Variants in PRKAR2B observed in about 807,000 individuals in gnomAD.
PRKAR2B encodes cAMP-dependent protein kinase type II-beta regulatory subunit.
A neutral mutation model predicts 49.9 loss-of-function variants in PRKAR2B; 14 were observed. The ratio of observed to expected loss-of-function variants is 0.28; its 90% confidence interval spans 0.19 to 0.44. The LOEUF (loss-of-function observed/expected upper bound fraction) is 0.44, where lower values mean the gene tolerates loss of function less well. PRKAR2B is among the 20% of genes least tolerant of loss of function. PRKAR2B has a pLI of 1.00. For synonymous variants in PRKAR2B, 196 were observed against 197.7 expected (o/e 0.99, Z 0.07); for missense variants, 393 against 537.9 (o/e 0.73, Z 2.67).
At chr7:107,125,503 G>C (rs144696414) in intron 3 of PRKAR2B, among the ~76,000 whole-genome samples, 1,792 of 152,324 alleles carry the variant, frequency 0.012, 17 homozygotes, top group Non-Finnish European at 0.017. Flanking sequence ...AGGCCTCAGT[G>C]ATCCAGAGAG....
intron 1 of PRKAR2B, among the ~76,000 whole-genome samples, chr7:107,064,497 AG>A (rs964169930): frequency 6.6e-6 from 1 of 152,186 alleles, no homozygotes; most frequent in Non-Finnish European, 1.5e-5. Flanking sequence ...ATAATCAAAA[AG>A]GAAGAAGAAA....
chr7:107,076,323 A>G (rs1794395588), intron 2 of PRKAR2B, among the ~76,000 whole-genome samples: 1 of 152,102 alleles, frequency 6.6e-6, no homozygotes. Flanking sequence ...CTGTCCTATC[A>G]TGTTTTTTTC....
intron 1 of PRKAR2B, among the ~76,000 whole-genome samples, chr7:107,060,739 C>T (rs1403591184): frequency 1.3e-5 from 2 of 151,156 alleles, no homozygotes; most frequent in East Asian, 3.9e-4. Flanking sequence ...ATTTTGTTTA[C>T]AATAACTTTG....
chr7:107,161,809 T>G lies in PRKAR2B; in HGVS notation c.*2227T>G, dbSNP rs1796203341. On this transcript the variant is annotated 3_prime_UTR_variant, in exon 11 of 11. Transcript: ENST00000265717. ...TTATCTGATTAAAACAGCTCAAGTT[T>G]GACTTGTGGATGTCATTATTTAATT... 6.6e-6 allele frequency: 1 copy of G among 152,232 alleles called. No homozygotes were observed. Among genetic ancestry groups the G allele is most frequent in the African/African-American group, 2.4e-5 (1 of 41,466 alleles). The allele number at this position is 152,232 out of a possible 1,614,324, so 9.4% of individuals were successfully genotyped here.
intron 1 of PRKAR2B, among the ~76,000 whole-genome samples, chr7:107,061,714 G>A (rs559431724): frequency 6.6e-6 from 1 of 152,248 alleles, no homozygotes; most frequent in Non-Finnish European, 1.5e-5. Flanking sequence ...GACCAGCCTG[G>A]CCAACATGAT....
intron 2 of PRKAR2B, among the ~76,000 whole-genome samples, chr7:107,085,100 C>T (rs929816183): frequency 6.6e-6 from 1 of 151,998 alleles, no homozygotes; most frequent in South Asian, 2.1e-4. Context: ...ATCTACTTGT[C>T]TCTGTTTGTA....
chr7:107,135,930 A>G (rs1037688563), intron 4 of PRKAR2B, among the ~76,000 whole-genome samples: 2 of 152,202 alleles, frequency 1.3e-5, no homozygotes, highest in African/African-American at 4.8e-5. Context: ...TGACTTCAAG[A>G]CTTAGTATAA....
intron 2 of PRKAR2B, among the ~76,000 whole-genome samples, chr7:107,114,653 A>C (rs1365512433): frequency 6.6e-6 from 1 of 151,308 alleles, no homozygotes; most frequent in African/African-American, 2.4e-5. Flanking sequence ...TACTGACGTG[A>C]GCCACCATGC....
chr7:107,150,452 A>T (rs1217551291), intron 6 of PRKAR2B, among the ~76,000 whole-genome samples: 1 of 152,184 alleles, frequency 6.6e-6, no homozygotes, highest in Non-Finnish European at 1.5e-5. Flanking sequence ...TAATGATCAC[A>T]TCAGGGTAAA....
intron 2 of PRKAR2B, among the ~76,000 whole-genome samples, chr7:107,102,278 G>T (rs1794986468): frequency 6.6e-6 from 1 of 152,190 alleles, no homozygotes; most frequent in Non-Finnish European, 1.5e-5. Context: ...CCAGCACCAA[G>T]ACAGTTTACA....
At chr7:107,096,648 A>C (rs1794843837) in intron 2 of PRKAR2B, among the ~76,000 whole-genome samples, 1 of 152,122 alleles carries the variant, frequency 6.6e-6, no homozygotes, top group Non-Finnish European at 1.5e-5. Flanking sequence ...GTGGGCATGT[A>C]GTGCTATAAA....
At chr7:107,069,368 GTCTTC>G (rs1322056030) in intron 1 of PRKAR2B, among the ~76,000 whole-genome samples, 1 of 152,096 alleles carries the variant, frequency 6.6e-6, no homozygotes, top group African/African-American at 2.4e-5. Flanking sequence ...TAAAAATTTT[GTCTTC>G]TCTTTTTACT....
chr7:107,065,884 G>A, intron 1 of PRKAR2B, among the ~76,000 whole-genome samples: 1 of 152,210 alleles, frequency 6.6e-6, no homozygotes. Flanking sequence ...TCACTGCTGA[G>A]ATAGAGACTT....
intron 4 of PRKAR2B, 22 bp downstream of exon 4, chr7:107,128,317 G>T (rs1368927218): frequency 6.4e-7 from 1 of 1,562,636 alleles, no homozygotes; most frequent in African/African-American, 1.4e-5. Context: ...CTTAATAATA[G>T]AAATGGCTTT....
At chr7:107,057,565 A>G (rs1793940114) in intron 1 of PRKAR2B, among the ~76,000 whole-genome samples, 1 of 152,148 alleles carries the variant, frequency 6.6e-6, no homozygotes, top group African/African-American at 2.4e-5. Context: ...GTGTGATTTC[A>G]TTTTGGTATA....
intron 2 of PRKAR2B, among the ~76,000 whole-genome samples, chr7:107,115,672 G>T (rs909766111): frequency 8.5e-5 from 13 of 152,278 alleles, no homozygotes; most frequent in African/African-American, 3.1e-4. Flanking sequence ...GAGAGGGAGA[G>T]AGAGAATAAG....
chr7:107,081,724 G>A (rs935490813), intron 2 of PRKAR2B: 2 of 152,036 alleles, frequency 1.3e-5, no homozygotes, highest in Non-Finnish European at 1.5e-5. Context: ...CCATAAAATT[G>A]ACAACAAATT....
intron 5 of PRKAR2B, among the ~76,000 whole-genome samples, chr7:107,144,661 A>G (rs534660877): frequency 2.7e-5 from 4 of 150,326 alleles, no homozygotes; most frequent in African/African-American, 4.9e-5. Flanking sequence ...GAGTCTTGCT[A>G]TGTTGCCCAG....
intron 4 of PRKAR2B, among the ~76,000 whole-genome samples, chr7:107,139,152 C>G (rs1391550530): frequency 6.6e-6 from 1 of 151,982 alleles, no homozygotes; most frequent in Non-Finnish European, 1.5e-5. Flanking sequence ...AAATATCTAT[C>G]TCATGTGTTG....
Sources: allele counts gnomAD v4.1 joint callset (sites outside exome capture counted in the v4.1 genomes callset), GRCh38; gene constraint gnomAD v4.1.1; transcripts MANE v1.5; gene names NCBI Gene and HGNC (gene_info 2026-07-23, HGNC 2026-07-21).